The following PARD3 variants were observed in gnomAD, a reference collection of about 807,000 sequenced individuals.
The protein encoded by PARD3 is par-3 family cell polarity regulator, also known as partitioning defective 3 homolog.
Under a neutral mutation model 155.4 loss-of-function variants are expected in PARD3, and 75 were observed. The ratio of observed to expected loss-of-function variants is 0.48; its 90% CI spans 0.40 to 0.58. The LOEUF is 0.58. Ranked by LOEUF, PARD3 falls within the 20% of genes least tolerant of loss-of-function variation. The pLI is 0.00. For synonymous variants in PARD3, 576 were observed against 610.5 expected (o/e 0.94, Z 0.83); for missense variants, 1,642 against 1,721.7 (o/e 0.95, Z 0.82).
intron 1 of PARD3, among the ~76,000 whole-genome samples, chr10:34,727,210 G>A (rs904806590): frequency 6.6e-6 from 1 of 152,170 alleles, no homozygotes; most frequent in African/African-American, 2.4e-5. Flanking sequence ...GTAAATGAGG[G>A]ACAGGATGAG....
chr10:34,384,309 T>A, intron 7 of PARD3, 55 bp from the exon 8 acceptor site: 1 of 1,521,812 alleles, frequency 6.6e-7, no homozygotes, highest in Non-Finnish European at 9.0e-7. Context: ...CCATGCACAC[T>A]GCCTTACCAC....
intron 1 of PARD3, among the ~76,000 whole-genome samples, chr10:34,756,907 C>A (rs10827418): frequency 0.29 from 43,439 of 152,056 alleles, 6,530 homozygotes; most frequent in East Asian, 0.54. Context: ...CGAAAATTTT[C>A]TTCTTTTACT....
chr10:34,410,252 G>A (rs563050132), intron 5 of PARD3, among the ~76,000 whole-genome samples: 1 of 152,196 alleles, frequency 6.6e-6, no homozygotes, highest in East Asian at 1.9e-4. Context: ...TTGTACTGAT[G>A]TGAGATGATT....
intron 1 of PARD3, among the ~76,000 whole-genome samples, chr10:34,711,114 A>C (rs2094443537): frequency 6.6e-6 from 1 of 152,124 alleles, no homozygotes; most frequent in Non-Finnish European, 1.5e-5. Flanking sequence ...AATTCAAGGC[A>C]GCTGATGAAC....
At chr10:34,732,388 C>G (rs910492408) in intron 1 of PARD3, among the ~76,000 whole-genome samples, 2 of 152,096 alleles carry the variant, frequency 1.3e-5, no homozygotes, top group Admixed American at 6.6e-5. Context: ...TGTGAGATAT[C>G]TTGATTTTAT....
At chr10:34,415,613 C>A (rs572803871) in intron 5 of PARD3, among the ~76,000 whole-genome samples, 5 of 152,142 alleles carry the variant, frequency 3.3e-5, no homozygotes, top group East Asian at 3.9e-4. Flanking sequence ...TAAAAAGGAA[C>A]CTGAATTGCA....
At chr10:34,590,500 T>A (rs1010366661) in intron 2 of PARD3, among the ~76,000 whole-genome samples, 13 of 152,238 alleles carry the variant, frequency 8.5e-5, no homozygotes, top group African/African-American at 2.9e-4. Context: ...TGATTCATAG[T>A]AAAATTGTTA....
chr10:34,763,768 T>A (rs1469566232), intron 1 of PARD3, among the ~76,000 whole-genome samples: 14 of 152,316 alleles, frequency 9.2e-5, no homozygotes, highest in African/African-American at 3.1e-4. Context: ...ATCTCCTGGC[T>A]TCCTATTCAA....
At chr10:34,217,000 A>G (rs1353889308) in intron 22 of PARD3, among the ~76,000 whole-genome samples, 3 of 152,218 alleles carry the variant, frequency 2.0e-5, no homozygotes, top group East Asian at 1.9e-4. Context: ...CTCTTTAACT[A>G]TATTAGACAA....
intron 2 of PARD3, among the ~76,000 whole-genome samples, chr10:34,612,174 T>C (rs1034063376): frequency 7.9e-5 from 12 of 152,166 alleles, no homozygotes; most frequent in African/African-American, 2.9e-4. Flanking sequence ...CATCTGTTCA[T>C]GCAGTATATA....
At chr10:34,471,623 C>G (rs948578527) in intron 3 of PARD3, among the ~76,000 whole-genome samples, 1 of 152,188 alleles carries the variant, frequency 6.6e-6, no homozygotes, top group African/African-American at 2.4e-5. Context: ...GGCACAATCT[C>G]GGCTCACAGC....
At chr10:34,327,042 C>T (rs929140723) in intron 19 of PARD3, among the ~76,000 whole-genome samples, 8 of 152,020 alleles carry the variant, frequency 5.3e-5, no homozygotes, top group African/African-American at 1.4e-4. Flanking sequence ...CTTTTAATTA[C>T]GAAAAAGTAG....
chr10:34,532,453 C>T (rs780773014), intron 2 of PARD3, among the ~76,000 whole-genome samples: 1 of 152,248 alleles, frequency 6.6e-6, no homozygotes, highest in East Asian at 1.9e-4. Flanking sequence ...GGGCTCATCA[C>T]GTGTTTTCTT....
chr10:34,604,814 G>A (rs938314412), intron 2 of PARD3, among the ~76,000 whole-genome samples: 1 of 151,850 alleles, frequency 6.6e-6, no homozygotes, highest in Non-Finnish European at 1.5e-5. Flanking sequence ...CAAAGTCACT[G>A]ATAAATTTGC....
At chr10:34,446,682 G>A (rs559967509) in intron 5 of PARD3, among the ~76,000 whole-genome samples, 1 of 152,306 alleles carries the variant, frequency 6.6e-6, no homozygotes, top group South Asian at 2.1e-4. Flanking sequence ...TGCCATGGCT[G>A]TTTTATTATT....
At position 34,331,273 on chromosome 10, in the gene PARD3, C is replaced by A. The variant is rs762819451; in HGVS notation, c.2677G>T (p.Ala893Ser). The A allele has an allele frequency of 2.0e-5, 32 of 1,613,906 alleles. No homozygotes were observed. Among genetic ancestry groups the A allele is most frequent in the Non-Finnish European group, 2.5e-5 (30 of 1,179,894 alleles). Residue 893 changes from alanine to serine, a missense_variant, in exon 19 of 25, where the codon GCA becomes TCA. By Grantham distance (99) the Ala-to-Ser change is moderately conservative. Coordinates refer to ENST00000374788, the MANE Select transcript of PARD3 (RefSeq NM_001184785.2). ...KSSSLESLQT[A>S]VAEVTLNGDI... ...CCATTCAAAGTCACCTCGGCAACTG[C>A]GGTCTGCAGACTCTCCAACGAGCTT...
Position 34,155,944 on chromosome 10 carries a change from T to C in PARD3, c.3420-24361A>G, listed in dbSNP as rs545274972. 2.0e-5 allele frequency among the ~76,000 whole-genome samples: 3 copies of C among 152,244 alleles called. No individual in the cohort carries two copies. In the East Asian group the frequency reaches 5.8e-4, roughly 29 times the overall value. On this transcript the variant is annotated intron_variant, in intron 22 of 24. Coordinates refer to ENST00000374788, the MANE Select transcript of PARD3 (RefSeq NM_001184785.2). ...AAAAGCAGTACAACAAACACAGCTA[T>C]TTAGCACAGTCTGAGAGGTCACAGC...
At chr10:34,510,055 G>A (rs1469462581) in intron 3 of PARD3, among the ~76,000 whole-genome samples, 2 of 152,154 alleles carry the variant, frequency 1.3e-5, no homozygotes, top group African/African-American at 4.8e-5. Flanking sequence ...ATCACTAATT[G>A]GTGTTTAGCA....
chr10:34,709,343 G>A (rs1345348262), intron 1 of PARD3, among the ~76,000 whole-genome samples: 1 of 151,980 alleles, frequency 6.6e-6, no homozygotes, highest in Non-Finnish European at 1.5e-5. Flanking sequence ...ATCATGTCAG[G>A]GCTCAAAAAG....
Sources: gnomAD v4.1 joint callset for allele counts (sites outside exome capture counted in the v4.1 genomes callset) on GRCh38, gnomAD v4.1.1 for gene constraint, MANE v1.5 for transcripts, NCBI Gene and HGNC (gene_info 2026-07-23, HGNC 2026-07-21) for gene names.